Variants in SYN3 observed in about 807,000 individuals in gnomAD.
SYN3 encodes synapsin-3.
In SYN3, 35 loss-of-function variants were observed where a neutral mutation model predicts 65.8. The ratio of observed to expected loss-of-function variants is 0.53; its 90% CI spans 0.41 to 0.70. SYN3 has a LOEUF of 0.70. SYN3 is among the 30% of genes least tolerant of loss of function. The probability of loss-of-function intolerance (pLI) is 0.00; values close to 1 mark genes in which losing one functional copy is unlikely to be tolerated. For synonymous variants in SYN3, 270 were observed against 292.9 expected (o/e 0.92, Z 0.80); for missense variants, 680 against 749.0 (o/e 0.91, Z 1.08).
At chr22:32,961,981 A>G (rs2051668252) in intron 3 of SYN3, among the ~76,000 whole-genome samples, 1 of 152,130 alleles carries the variant, frequency 6.6e-6, no homozygotes, top group South Asian at 2.1e-4. Context: ...GCCCTTGTCC[A>G]TCTGATCCCG....
intron 7 of SYN3, among the ~76,000 whole-genome samples, chr22:32,552,179 G>A (rs1188198894): frequency 6.6e-6 from 1 of 152,216 alleles, no homozygotes; most frequent in Non-Finnish European, 1.5e-5. Flanking sequence ...CCGGGAGGCG[G>A]AGGTTGCAGT....
intron 5 of SYN3, 83 bp downstream of exon 5, chr22:32,868,883 T>C (rs552793742): frequency 6.1e-5 from 86 of 1,409,320 alleles, no homozygotes; most frequent in Middle Eastern, 5.5e-4. Context: ...GAGGCCTCCA[T>C]GCTGGGGAGT....
chr22:32,948,365 C>T (rs1025537270), intron 3 of SYN3, among the ~76,000 whole-genome samples: 45 of 152,242 alleles, frequency 3.0e-4, no homozygotes, highest in African/African-American at 6.5e-4. Context: ...CAATTCCTAA[C>T]GACAAATATT....
At chr22:33,009,330 T>A (rs796095778) in intron 1 of SYN3, among the ~76,000 whole-genome samples, 1 of 152,192 alleles carries the variant, frequency 6.6e-6, no homozygotes, top group African/African-American at 2.4e-5. Flanking sequence ...TAGCATAGTA[T>A]CTTATTGTGT....
chr22:32,639,380 C>A (rs1439959548), intron 6 of SYN3, among the ~76,000 whole-genome samples: 1 of 152,180 alleles, frequency 6.6e-6, no homozygotes, highest in African/African-American at 2.4e-5. Flanking sequence ...TTATTTTTGG[C>A]AACTTTGTCA....
chr22:32,799,324 G>C (rs906294300), intron 6 of SYN3, among the ~76,000 whole-genome samples: 3 of 152,204 alleles, frequency 2.0e-5, no homozygotes, highest in Admixed American at 2.0e-4. Context: ...GCTTAGGATA[G>C]GGAGTGAGAA....
intron 4 of SYN3, among the ~76,000 whole-genome samples, chr22:32,888,014 C>G (rs1203781079): frequency 6.6e-6 from 1 of 152,062 alleles, no homozygotes; most frequent in Non-Finnish European, 1.5e-5. Context: ...ACAGTTTGTA[C>G]TGTCAGTCTT....
Position 32,963,942 on chromosome 22 carries a change from C to T in SYN3, c.369+16703G>A, listed in dbSNP as rs2051741178. On this transcript the variant is annotated intron_variant, in intron 3 of 13. Coordinates refer to ENST00000358763, the MANE Select transcript of SYN3 (RefSeq NM_003490.4). The stretch of plus-strand genomic sequence containing the variant: ...TTGGCTGGCCCAGCAAGGGGAGGTT[C>T]AGGCCCCTCTGCTTTCCCTTGCTTT... Among the ~76,000 whole-genome samples the T allele has an allele frequency of 1.3e-5, 2 of 152,144 alleles. 1 individual carries two copies. Among genetic ancestry groups the T allele is most frequent in the South Asian group, 4.1e-4 (2 of 4,824 alleles).
intron 6 of SYN3, among the ~76,000 whole-genome samples, chr22:32,667,628 T>C (rs2060306216): frequency 1.3e-5 from 2 of 152,280 alleles, no homozygotes; most frequent in South Asian, 2.1e-4. Context: ...TCCAAATCCA[T>C]ACCACTGTAT....
chr22:32,556,490 G>A (rs925803394), intron 7 of SYN3, among the ~76,000 whole-genome samples: 3 of 151,978 alleles, frequency 2.0e-5, no homozygotes, highest in Non-Finnish European at 2.9e-5. Context: ...TTTACATGGC[G>A]TCTGACAGAC....
chr22:32,865,153 T>A (rs2048657234), intron 5 of SYN3, 149 bp from the exon 6 acceptor site: 2 of 637,964 alleles, frequency 3.1e-6, no homozygotes, highest in Non-Finnish European at 5.7e-6. Context: ...AAAGACCAGA[T>A]TCCTTGGCTG....
intron 6 of SYN3, among the ~76,000 whole-genome samples, chr22:32,628,115 G>A (rs983976254): frequency 6.6e-5 from 10 of 152,014 alleles, no homozygotes; most frequent in African/African-American, 1.4e-4. Flanking sequence ...GTGAGCCACC[G>A]CACCCGGCCA....
chr22:32,916,720 T>C (rs1259277272), intron 4 of SYN3, among the ~76,000 whole-genome samples: 1 of 152,216 alleles, frequency 6.6e-6, no homozygotes, highest in Non-Finnish European at 1.5e-5. Context: ...TCTGACTTTC[T>C]GGTACCAGGG....
In SYN3 at chr22:32,508,044, T is replaced by C. The variant is rs1278091619; in HGVS notation, c.*5648A>G. On this transcript the variant is annotated 3_prime_UTR_variant, in exon 14 of 14. Coordinates refer to ENST00000358763, the MANE Select transcript of SYN3 (RefSeq NM_003490.4). ...CACTTCAACACTATTTTGTTTTATT[T>C]TTCTTATTAATATAAGAAGGCAGGA... Among the ~76,000 whole-genome samples the C allele has an allele frequency of 6.6e-6, 1 of 152,152 alleles. No homozygotes were observed. The highest frequency in any genetic ancestry group is 2.4e-5 in the African/African-American group (1 of 41,438).
chr22:32,518,900 T>G (rs929730308), intron 12 of SYN3, among the ~76,000 whole-genome samples: 1 of 152,064 alleles, frequency 6.6e-6, no homozygotes, highest in African/African-American at 2.4e-5. Context: ...AAGAGGTAAT[T>G]AAAGTTAAAT....
chr22:32,689,304 G>A (rs2060632973), intron 6 of SYN3, among the ~76,000 whole-genome samples: 1 of 152,164 alleles, frequency 6.6e-6, no homozygotes, highest in African/African-American at 2.4e-5. Flanking sequence ...AGACAGACCT[G>A]GTTTGAATCC....
chr22:32,754,283 C>G (rs1296932806), intron 6 of SYN3, among the ~76,000 whole-genome samples: 4 of 152,156 alleles, frequency 2.6e-5, no homozygotes, highest in African/African-American at 7.2e-5. Flanking sequence ...TCTCAAGTAG[C>G]TGGGATTACA....
intron 1 of SYN3, among the ~76,000 whole-genome samples, chr22:33,015,802 G>C (rs2053453124): frequency 6.6e-6 from 1 of 150,770 alleles, no homozygotes; most frequent in African/African-American, 2.4e-5. Context: ...TTACTGACAA[G>C]AGAATGCCAC....
At chr22:32,962,176 G>A (rs1167604806) in intron 3 of SYN3, among the ~76,000 whole-genome samples, 13 of 127,878 alleles carry the variant, frequency 1.0e-4, no homozygotes, top group Admixed American at 6.8e-4. Context: ...TCGTTCTGTC[G>A]CCAGGCTGGA....
Sources: allele counts gnomAD v4.1 joint callset (sites outside exome capture counted in the v4.1 genomes callset), GRCh38; gene constraint gnomAD v4.1.1; transcripts MANE v1.5; gene names NCBI Gene and HGNC (gene_info 2026-07-23, HGNC 2026-07-21).